Variants in MGST1 observed in about 807,000 individuals in gnomAD.
MGST1 encodes glutathione S-transferase 12.
In MGST1, 5 loss-of-function variants were observed where a neutral mutation model predicts 8.9. The ratio of observed to expected loss-of-function variants is 0.56; its 90% CI spans 0.29 to 1.19. The LOEUF (loss-of-function observed/expected upper bound fraction) is 1.19. Ranked by LOEUF, MGST1 falls within the 50% of genes most tolerant of loss-of-function variation. MGST1 has a pLI of 0.08. For synonymous variants in MGST1, 54 were observed against 67.8 expected (o/e 0.80, Z 1.00); for missense variants, 182 against 187.4 (o/e 0.97, Z 0.17).
In MGST1 at chr12:16,521,951, GAA is replaced by G. The variant is rs67301216; in HGVS notation, n.483-67568_483-67567del. Among the ~76,000 whole-genome samples, 1,429 of 151,606 alleles carry G rather than the reference GAA, an allele frequency of 9.4e-3. 23 individuals carry two copies. Among genetic ancestry groups the G allele is most frequent in the African/African-American group, 0.032 (1,318 of 41,342 alleles). On this transcript the variant is annotated intron_variant and non_coding_transcript_variant, in intron 4 of 4. Coordinates refer to the MGST1 transcript ENST00000538857. ...CTGAAGAATAACCCCCAGAAAGGTA[GAA>G]AAAAAAAATAACTTTCATATGTTTG...
chr12:16,507,875 A>G (rs1431289861), intron 4 of MGST1, among the ~76,000 whole-genome samples: 2 of 152,070 alleles, frequency 1.3e-5, no homozygotes. Flanking sequence ...TTGGGTGGGG[A>G]CACAGAGCCA....
chr12:16,528,247 C>T (rs527263291), intron 4 of MGST1, among the ~76,000 whole-genome samples: 1 of 152,086 alleles, frequency 6.6e-6, no homozygotes, highest in Non-Finnish European at 1.5e-5. Flanking sequence ...GGTTCAGTGC[C>T]TGCTTTCCAT....
rs1157134319 is a variant in MGST1 at position 16,389,666 on chromosome 12, G to A, written n.778+6062G>A. 6.6e-6 allele frequency among the ~76,000 whole-genome samples: 1 copy of A among 152,172 alleles called. No homozygotes were observed. The highest frequency in any genetic ancestry group is 1.9e-4 in the East Asian group (1 of 5,186). On this transcript the variant is annotated intron_variant and non_coding_transcript_variant, in intron 1 of 1. Coordinates refer to the MGST1 transcript ENST00000359720. This position sits in a 1 kb window ranked among gnomAD's most constrained non-coding sequence, Gnocchi z 4.6. ...AGAGAAGCAAGGATTCCAGATGGAGGGAGAGTTTGGAATGTGAAAGAAGGG... is the reference window on the plus strand; with the variant it reads ...AGAGAAGCAAGGATTCCAGATGGAGAGAGAGTTTGGAATGTGAAAGAAGGG...
intron 4 of MGST1, among the ~76,000 whole-genome samples, chr12:16,565,734 T>C (rs1354517848): frequency 6.6e-6 from 1 of 151,584 alleles, no homozygotes; most frequent in Non-Finnish European, 1.5e-5. Context: ...ACACTGACAC[T>C]CTGTTGGTGA....
chr12:16,483,888 A>C (rs1045369703), intron 4 of MGST1, among the ~76,000 whole-genome samples: 9 of 152,162 alleles, frequency 5.9e-5, no homozygotes, highest in Non-Finnish European at 1.3e-4. Context: ...CTACACATAA[A>C]ATGCACAGTA....
At chr12:16,377,319 C>A (rs773639545), downstream of MGST1, 4 of 131,570 alleles carry the variant, frequency 3.0e-5, no homozygotes, top group Non-Finnish European at 6.3e-5. Flanking sequence ...GCAACGGTCC[C>A]CAGTGTGTGA....
chr12:16,484,395 CTGTTTTT>C (rs1385968129), intron 4 of MGST1, among the ~76,000 whole-genome samples: 3 of 150,976 alleles, frequency 2.0e-5, no homozygotes, highest in Non-Finnish European at 4.5e-5. Context: ...GATAAAGAAT[CTGTTTTT>C]TGTTTGTTTG....
intron 3 of MGST1, among the ~76,000 whole-genome samples, chr12:16,372,502 G>A (rs1940311024): frequency 6.6e-6 from 1 of 152,026 alleles, no homozygotes; most frequent in South Asian, 2.1e-4. Context: ...CAGTTAAAAT[G>A]GCTTTTACCC....
chr12:16,542,505 A>G (rs1229880971), intron 4 of MGST1, among the ~76,000 whole-genome samples: 1 of 152,182 alleles, frequency 6.6e-6, no homozygotes, highest in African/African-American at 2.4e-5. Flanking sequence ...TGTTTGCTAC[A>G]TTAGCTATAA....
intron 4 of MGST1, chr12:16,514,104 C>G (rs1941595032): frequency 5.3e-6 from 2 of 377,584 alleles, no homozygotes; most frequent in Admixed American, 7.0e-5. Flanking sequence ...TCTCTTTGCA[C>G]TCTTCGACAT....
intron 4 of MGST1, among the ~76,000 whole-genome samples, chr12:16,556,810 C>G (rs776613593): frequency 6.6e-6 from 1 of 152,004 alleles, no homozygotes; most frequent in African/African-American, 2.4e-5. Context: ...GCTGACTTCC[C>G]GCATTAGTTT....
chr12:16,445,154 C>T (rs1941069557), intron 4 of MGST1, among the ~76,000 whole-genome samples: 1 of 151,634 alleles, frequency 6.6e-6, no homozygotes, highest in Admixed American at 6.6e-5. Context: ...GAGATCAGCT[C>T]ACTAAGTCAC....
downstream of MGST1, among the ~76,000 whole-genome samples, chr12:16,442,030 A>G (rs1941043435): frequency 6.6e-6 from 1 of 151,690 alleles, no homozygotes; most frequent in African/African-American, 2.4e-5. This position sits in a 1 kb window ranked among gnomAD's most constrained non-coding sequence, Gnocchi z 4.5. Context: ...GTGGTATTTC[A>G]TTGTTTTTGA....
At chr12:16,393,110 AG>A (rs59032042) in intron 1 of MGST1, among the ~76,000 whole-genome samples, 25,461 of 152,084 alleles carry the variant, frequency 0.17, 2,460 homozygotes, top group East Asian at 0.43. Context: ...TCCTGTTTTT[AG>A]TTTTGTAAAT....
intron 1 of MGST1, among the ~76,000 whole-genome samples, chr12:16,432,314 C>T (rs1940944868): frequency 6.6e-6 from 1 of 152,058 alleles, no homozygotes; most frequent in South Asian, 2.1e-4. Context: ...TAGTGGATTC[C>T]ACCACAATCT....
At position 16,560,335 on chromosome 12, in the gene MGST1, A is replaced by G; in HGVS notation, n.483-29193A>G. On this transcript the variant is annotated intron_variant and non_coding_transcript_variant, in intron 4 of 4. Coordinates refer to the MGST1 transcript ENST00000538857. The surrounding 1 kb of genome is among the most constrained non-coding windows in gnomAD (Gnocchi z 5.0). ...GATTGATTGCTTTAAATGTATGAAT[A>G]TAATTTCCACCTATTAAATAAATAG... The G allele has an allele frequency of 6.9e-7, 1 of 1,453,818 alleles. No individual in the cohort carries two copies. The highest frequency in any genetic ancestry group is 1.3e-5 in the South Asian group (1 of 74,732). 90.1% of individuals were successfully genotyped at this position (1,453,818 alleles called of 1,614,324 possible).
chr12:16,458,052 A>G lies in MGST1; in HGVS notation n.482+74448A>G, dbSNP rs1163921228. Among the ~76,000 whole-genome samples, 1 of 152,022 alleles carries G rather than the reference A, an allele frequency of 6.6e-6. No individual in the cohort carries two copies. The highest frequency in any genetic ancestry group is 6.6e-5 in the Admixed American group (1 of 15,228). ...ATATTATAACTGCTAATTCAATTAC[A>G]CTGAAATTGTTTAATAGAAAATATA... is the stretch of plus-strand genomic sequence containing the variant. On this transcript the variant is annotated intron_variant and non_coding_transcript_variant, in intron 4 of 4. Coordinates refer to the MGST1 transcript ENST00000538857. The surrounding 1 kb of genome is among the most constrained non-coding windows in gnomAD (Gnocchi z 4.0).
At chr12:16,411,565 T>G (rs1277164658) in intron 1 of MGST1, among the ~76,000 whole-genome samples, 5 of 152,138 alleles carry the variant, frequency 3.3e-5, no homozygotes, top group Non-Finnish European at 1.5e-5. Flanking sequence ...ACAGCATAGG[T>G]AATTCATTCT....
chr12:16,425,651 GACA>G (rs1940879094), intron 1 of MGST1, among the ~76,000 whole-genome samples: 1 of 152,076 alleles, frequency 6.6e-6, no homozygotes, highest in African/African-American at 2.4e-5. Flanking sequence ...CCTCCATGAT[GACA>G]ACAACTAGAT....
Sources: gnomAD v4.1 joint callset for allele counts (sites outside exome capture counted in the v4.1 genomes callset) on GRCh38, gnomAD v4.1.1 for gene constraint, Gnocchi (gnomAD v3.1) non-coding constraint, MANE v1.5 for transcripts, NCBI Gene and HGNC (gene_info 2026-07-23, HGNC 2026-07-21) for gene names.